Variants in NAV2 observed in about 807,000 individuals in gnomAD.
The protein encoded by NAV2 is neuron navigator 2, also known as helicase, APC down-regulated 1.
Under a neutral mutation model 223.2 loss-of-function variants are expected in NAV2, and 54 were observed. The ratio of observed to expected loss-of-function variants is 0.24; its 90% confidence interval spans 0.19 to 0.30. The LOEUF (loss-of-function observed/expected upper bound fraction) is 0.30. NAV2 is among the 10% of genes least tolerant of loss of function. The pLI, the probability that NAV2 is intolerant of heterozygous loss-of-function variation, is 1.00. For synonymous variants in NAV2, 1,279 were observed against 1,239.3 expected, an observed-to-expected ratio of 1.03 and a Z score of -0.67; for missense variants, 2,806 against 3,147.5, an observed-to-expected ratio of 0.89 and a Z score of 2.60.
At chr11:19,668,879 C>A (rs2048500822) in intron 1 of NAV2, among the ~76,000 whole-genome samples, 1 of 152,138 alleles carries the variant, frequency 6.6e-6, no homozygotes, top group Admixed American at 6.5e-5. Context: ...AGGTAACAGA[C>A]AATAATCTCC....
At chr11:19,676,467 C>G (rs887546136) in intron 1 of NAV2, among the ~76,000 whole-genome samples, 1 of 123,806 alleles carries the variant, frequency 8.1e-6, no homozygotes, top group Non-Finnish European at 1.8e-5. Flanking sequence ...GTGTTTCCCT[C>G]CTTACCTCTC....
At chr11:19,736,829 G>A (rs1269747899) in intron 1 of NAV2, among the ~76,000 whole-genome samples, 2 of 152,194 alleles carry the variant, frequency 1.3e-5, no homozygotes, top group Non-Finnish European at 1.5e-5. Context: ...CATTAGTGGT[G>A]GGGTCTTCCT....
chr11:20,048,689 C>G (rs1046125482), intron 14 of NAV2, 39 bp from the exon 15 acceptor site: 42 of 1,569,698 alleles, frequency 2.7e-5, no homozygotes, highest in Non-Finnish European at 3.6e-5. Flanking sequence ...CCCCTTGGCA[C>G]TGGGTGTTCA....
chr11:19,436,784 C>G (rs910987011), intron 1 of NAV2, among the ~76,000 whole-genome samples: 1 of 151,898 alleles, frequency 6.6e-6, no homozygotes, highest in African/African-American at 2.4e-5. Context: ...ATATTTTATG[C>G]TTTTCAGTAT....
Position 20,049,883 on chromosome 11 carries a change from T to C in NAV2, c.4418T>C (p.Leu1473Pro), listed in dbSNP as rs776278108. The change falls in exon 16 of 38, where the codon CTG becomes CCG. Residue 1473 changes from leucine (L) to proline (P), a missense_variant. Leu to Pro is a moderately conservative substitution (Grantham distance 98). Around this residue, in one of 4 missense-constraint regions of NAV2, gnomAD observed 742 missense variants for 777.9 expected, o/e 0.95. Coordinates refer to ENST00000349880, the MANE Select transcript of NAV2 (RefSeq NM_145117.5). ...AGCCCTAAGTTCTGCAGAAGTACTCTGCCCAGGAAACAGGACAGGTAATGA... is the reference window on the plus strand; with the variant it reads ...AGCCCTAAGTTCTGCAGAAGTACTCCGCCCAGGAAACAGGACAGGTAATGA... ...AASPKFCRST[L>P]PRKQDSDPHL... 1 of 1,614,070 alleles carries C rather than the reference T, an allele frequency of 6.2e-7. No homozygotes were observed. Among genetic ancestry groups the C allele is most frequent in the Non-Finnish European group, 8.5e-7 (1 of 1,180,038 alleles).
rs574923164 is a variant in NAV2, at chr11:19,832,157, CGCAGCCTCTCAAAGCT to C, written c.268-311_268-296del. ...GGGAGACTTTGCTTGCATCTAGAGT[CGCAGCCTCTCAAAGCT>C]GCAGCCTCTCAAAGCCGTCTGGAGC... is the stretch of plus-strand genomic sequence containing the variant. On this transcript the variant is annotated intron_variant, in intron 1 of 37. Coordinates refer to ENST00000349880, the MANE Select transcript of NAV2 (RefSeq NM_145117.5). 1.1e-4 allele frequency among the ~76,000 whole-genome samples: 17 copies of C among 152,262 alleles called. 1 individual carries two copies. The South Asian group carries it at 3.5e-3, about 32-fold the overall frequency.
chr11:19,732,397 C>T (rs780828856), intron 1 of NAV2, among the ~76,000 whole-genome samples: 4 of 152,174 alleles, frequency 2.6e-5, no homozygotes, highest in African/African-American at 4.8e-5. Flanking sequence ...GCCTCACAGG[C>T]ATGGTTAAAA....
chr11:19,936,045 T>G (rs2045874804), intron 7 of NAV2, among the ~76,000 whole-genome samples: 1 of 148,690 alleles, frequency 6.7e-6, no homozygotes, highest in Non-Finnish European at 1.5e-5. Flanking sequence ...TTTTTTTTAA[T>G]TTTAATACAG....
intron 1 of NAV2, among the ~76,000 whole-genome samples, chr11:19,628,184 C>T (rs1232409604): frequency 6.6e-6 from 1 of 152,202 alleles, no homozygotes; most frequent in Non-Finnish European, 1.5e-5. Flanking sequence ...AAGTGCCTCA[C>T]AGCCTGAGGC....
At chr11:19,921,612 G>A (rs187198805) in intron 6 of NAV2, among the ~76,000 whole-genome samples, 1 of 152,176 alleles carries the variant, frequency 6.6e-6, no homozygotes, top group African/African-American at 2.4e-5. Flanking sequence ...CCAGAGAAAA[G>A]CACATATTTT....
At chr11:19,403,997 G>T (rs1849789672) in intron 1 of NAV2, among the ~76,000 whole-genome samples, 1 of 152,096 alleles carries the variant, frequency 6.6e-6, no homozygotes, top group Admixed American at 6.6e-5. Flanking sequence ...GGTAGTAGCA[G>T]ACTGGGAAAT....
chr11:19,749,679 T>C (rs2053647528), intron 1 of NAV2, among the ~76,000 whole-genome samples: 1 of 152,228 alleles, frequency 6.6e-6, no homozygotes, highest in Non-Finnish European at 1.5e-5. Context: ...CTCAGGCTGC[T>C]TGAGAAAACT....
At chr11:19,642,310 C>A (rs1019104152) in intron 1 of NAV2, among the ~76,000 whole-genome samples, 1 of 152,198 alleles carries the variant, frequency 6.6e-6, no homozygotes, top group Non-Finnish European at 1.5e-5. Flanking sequence ...GAAGACAAAG[C>A]CATTTCCTAA....
At chr11:19,718,017 C>T (rs1291282524) in intron 1 of NAV2, among the ~76,000 whole-genome samples, 1 of 152,190 alleles carries the variant, frequency 6.6e-6, no homozygotes, top group Admixed American at 6.5e-5. Context: ...TACCTTGAGT[C>T]TCTCCCATAA....
intron 1 of NAV2, among the ~76,000 whole-genome samples, chr11:19,610,562 G>A (rs1162887272): frequency 1.3e-5 from 2 of 152,238 alleles, no homozygotes; most frequent in African/African-American, 4.8e-5. Flanking sequence ...AGAGCTTGAA[G>A]AGCTTTGTCA....
intron 1 of NAV2, among the ~76,000 whole-genome samples, chr11:19,417,533 G>A (rs11825375): frequency 0.036 from 5,488 of 152,316 alleles, 328 homozygotes; most frequent in African/African-American, 0.13. Context: ...GGAAGGCAGT[G>A]CGGTGATTCC....
intron 10 of NAV2, among the ~76,000 whole-genome samples, chr11:19,965,844 A>G (rs2048730445): frequency 1.3e-5 from 2 of 152,218 alleles, no homozygotes; most frequent in Non-Finnish European, 2.9e-5. Context: ...CTGGTCTGCC[A>G]TGTGTGGAGC....
chr11:19,700,207 C>A (rs960916641), intron 1 of NAV2, among the ~76,000 whole-genome samples: 7 of 152,128 alleles, frequency 4.6e-5, no homozygotes, highest in Admixed American at 2.0e-4. Context: ...TTAATCATTC[C>A]AACAACCCTA....
intron 1 of NAV2, among the ~76,000 whole-genome samples, chr11:19,361,811 G>A (rs553587985): frequency 6.6e-6 from 1 of 152,258 alleles, no homozygotes; most frequent in East Asian, 1.9e-4. Context: ...TCTAATTTCT[G>A]CTTGTGTCCC....
Sources: gnomAD v4.1 joint callset for allele counts (sites outside exome capture counted in the v4.1 genomes callset) on GRCh38, gnomAD v4.1.1 for gene constraint, gnomAD v4.1.1 regional missense constraint, MANE v1.5 for transcripts, NCBI Gene and HGNC (gene_info 2026-07-23, HGNC 2026-07-21) for gene names.